PLSCR4: variants seen among roughly 807,000 people sequenced by gnomAD.
PLSCR4 encodes phospholipid scramblase 4.
A neutral mutation model predicts 36.3 loss-of-function variants in PLSCR4; 25 were observed. The observed-to-expected ratio is 0.69, with a 90% CI of 0.50 to 0.96. The LOEUF (loss-of-function observed/expected upper bound fraction) is 0.96. Among genes scored for constraint, PLSCR4 ranks in the 40% least tolerant of loss-of-function variants. PLSCR4 has a pLI of 0.00. For synonymous variants in PLSCR4, 122 were observed against 132.9 expected, an observed-to-expected ratio of 0.92 and a Z score of 0.56; for missense variants, 408 against 414.7, an observed-to-expected ratio of 0.98 and a Z score of 0.14.
chr3:146,195,204 C>A lies in PLSCR4; in HGVS notation c.865G>T (p.Ala289Ser). ...GGGAAGTGAATGTCAAAATGGTCAG[C>A]ATCTGCCATTGCTGATAACAAACCA... ...WNGLLSAMAD[A>S]DHFDIHFPLD... Residue 289 changes from alanine (A) to serine (S), a missense_variant, in exon 8 of 9, where the codon GCT becomes TCT. Physicochemically the swap from Ala to Ser is moderately conservative, Grantham distance 99. Coordinates refer to ENST00000354952, the MANE Select transcript of PLSCR4 (RefSeq NM_020353.3). The A allele has an allele frequency of 8.1e-6, 13 of 1,613,076 alleles. No individual in the cohort carries two copies. The highest frequency in any genetic ancestry group is 1.1e-5 in the Non-Finnish European group (13 of 1,179,062).
At chr3:146,225,217 GC>G (rs1317361118) in intron 1 of PLSCR4, among the ~76,000 whole-genome samples, 1 of 150,242 alleles carries the variant, frequency 6.7e-6, no homozygotes, top group Non-Finnish European at 1.5e-5. Context: ...GTTCTCCAAG[GC>G]CCCACCAGAG....
In PLSCR4 at chr3:146,222,064, C is replaced by A. The variant is rs2035177255; in HGVS notation, c.7+1G>T. ...ATTCAAATTTATTCACAAAAACTTA[C>A]CTGACATTTTGAAGAATTCCAATTA... On this transcript the variant is annotated splice_donor_variant, in intron 2 of 8. Coordinates refer to ENST00000354952, the MANE Select transcript of PLSCR4 (RefSeq NM_020353.3). LOFTEE classifies it high-confidence loss of function. 8.1e-7 allele frequency: 1 copy of A among 1,234,222 alleles called. No homozygotes were observed. The highest frequency in any genetic ancestry group is 1.1e-6 in the Non-Finnish European group (1 of 899,880). 76.5% of individuals were successfully genotyped at this position (1,234,222 alleles called of 1,614,324 possible).
Position 146,195,197 on chromosome 3 carries a change from T to C in PLSCR4, c.872A>G (p.His291Arg), listed in dbSNP as rs767869749. Reference protein sequence around the residue: ...GLLSAMADADHFDIHFPLDLD... With the variant: ...GLLSAMADADRFDIHFPLDLD... Reference sequence around the variant, plus strand: ...GTCTAGTGGGAAGTGAATGTCAAAATGGTCAGCATCTGCCATTGCTGATAA... The same window carrying C: ...GTCTAGTGGGAAGTGAATGTCAAAACGGTCAGCATCTGCCATTGCTGATAA... The change falls in exon 8 of 9, where the codon CAT becomes CGT. Residue 291 changes from histidine to arginine, a missense_variant. Transcript: ENST00000354952. 3 of 1,613,754 alleles carry C rather than the reference T, an allele frequency of 1.9e-6. No homozygotes were observed. The highest frequency in any genetic ancestry group is 4.5e-5 in the East Asian group (2 of 44,876).
At chr3:146,210,868 A>G (rs1374492560) in intron 3 of PLSCR4, among the ~76,000 whole-genome samples, 1 of 151,656 alleles carries the variant, frequency 6.6e-6, no homozygotes, top group Non-Finnish European at 1.5e-5. Flanking sequence ...TACACTTGGC[A>G]TGTTTTCAAG....
intron 1 of PLSCR4, among the ~76,000 whole-genome samples, chr3:146,237,887 A>G (rs1031221911): frequency 6.6e-6 from 1 of 151,944 alleles, no homozygotes; most frequent in Non-Finnish European, 1.5e-5. Context: ...ATAAAAAAGA[A>G]AATCAAAAAA....
In PLSCR4 at chr3:146,220,943, G is replaced by A. The variant is rs1485307118; in HGVS notation, c.8-18C>T. ...TACCACACCTTCAGGGGAAGACAGG[G>A]AACATGACTTACAAAGGAAACAATA... On this transcript the variant is annotated intron_variant, in intron 2 of 8. Coordinates refer to ENST00000354952, the MANE Select transcript of PLSCR4 (RefSeq NM_020353.3). 1.4e-6 allele frequency: 2 copies of A among 1,431,452 alleles called. No individual in the cohort carries two copies. The highest frequency in any genetic ancestry group is 1.9e-6 in the Non-Finnish European group (2 of 1,027,652). 88.7% of individuals were successfully genotyped at this position (1,431,452 alleles called of 1,614,324 possible).
At chr3:146,215,321 ATATG>A (rs1004479907) in intron 3 of PLSCR4, among the ~76,000 whole-genome samples, 4 of 151,880 alleles carry the variant, frequency 2.6e-5, no homozygotes, top group African/African-American at 9.7e-5. Context: ...TATTGAATAT[ATATG>A]TATGTATTAT....
chr3:146,214,387 TGC>T lies in PLSCR4; in HGVS notation c.118+6426_118+6427del, dbSNP rs1216526950. Among the ~76,000 whole-genome samples, 4 of 142,424 alleles carry T rather than the reference TGC, an allele frequency of 2.8e-5. 1 individual carries two copies. The highest frequency in any genetic ancestry group is 4.6e-5 in the Non-Finnish European group (3 of 65,144). The allele number at this position is 142,424 out of a possible 152,430, so 93.4% of individuals were successfully genotyped here. On this transcript the variant is annotated intron_variant, in intron 3 of 8. Coordinates refer to ENST00000354952, the MANE Select transcript of PLSCR4 (RefSeq NM_020353.3). ...ATCCGCCCGCCTTGGCCTCCCAAAG[TGC>T]TGGGATTACAGGCGTGAGCCACCGC...
At chr3:146,200,973 T>C (rs1312927510) in intron 5 of PLSCR4, 62 bp downstream of exon 5, 9 of 1,067,282 alleles carry the variant, frequency 8.4e-6, no homozygotes, top group Admixed American at 2.4e-5. Context: ...GAACTAGATA[T>C]TGGATAATGC....
chr3:146,209,283 G>A (rs2034498567), intron 3 of PLSCR4, among the ~76,000 whole-genome samples: 1 of 152,010 alleles, frequency 6.6e-6, no homozygotes, highest in Non-Finnish European at 1.5e-5. Context: ...GGAAGGGGGT[G>A]AGGGATAAAA....
rs1390100366 is a variant in PLSCR4 at position 146,199,840 on chromosome 3, G to A, written c.597C>T (p.Cys199=). 1 of 1,613,170 alleles carries A rather than the reference G, an allele frequency of 6.2e-7. No homozygotes were observed. The highest frequency in any genetic ancestry group is 1.3e-5 in the African/African-American group (1 of 74,858). ...MQRPFRCTCC[C]FCCPSARQEL... ...CTTGTCTGGCAGAGGGGCAACAGAA[G>A]CAACAGCAGGTGCATCTGAAGGGTC... The change falls in exon 6 of 9, where the codon TGC becomes TGT. Residue 199 remains cysteine (C), a synonymous_variant. Coordinates refer to ENST00000354952, the MANE Select transcript of PLSCR4 (RefSeq NM_020353.3).
At chr3:146,245,597 A>G (rs1421344190) in intron 1 of PLSCR4, among the ~76,000 whole-genome samples, 1 of 152,092 alleles carries the variant, frequency 6.6e-6, no homozygotes, top group Non-Finnish European at 1.5e-5. Context: ...ATATAGTAAC[A>G]GTTTTGTAAA....
chr3:146,209,464 C>A (rs1403400832), intron 3 of PLSCR4, among the ~76,000 whole-genome samples: 1 of 152,054 alleles, frequency 6.6e-6, no homozygotes, highest in Admixed American at 6.6e-5. Flanking sequence ...AATAAGCACA[C>A]AACAGCTAAT....
At position 146,220,908 on chromosome 3, in the gene PLSCR4, G is replaced by A; in HGVS notation, c.25C>T (p.Pro9Ser). 2 of 1,612,342 alleles carry A rather than the reference G, an allele frequency of 1.2e-6. No individual in the cohort carries two copies. Among genetic ancestry groups the A allele is most frequent in the South Asian group, 1.1e-5 (1 of 90,912 alleles). The change falls in exon 3 of 9, where the codon CCT (proline) becomes TCT (serine). Residue 9 changes from proline to serine, a missense_variant. Coordinates refer to ENST00000354952, the MANE Select transcript of PLSCR4 (RefSeq NM_020353.3). ...TCCATTTCACCTGCAGGCTGTTCAGGGGCTGTGGGTACCACACCTTCAGGG... is the reference window on the plus strand; with the variant it reads ...TCCATTTCACCTGCAGGCTGTTCAGAGGCTGTGGGTACCACACCTTCAGGG... Reference protein sequence around the residue: MSGVVPTAPEQPAGEMENQ... With the variant: MSGVVPTASEQPAGEMENQ...
At chr3:146,245,854 G>C (rs9851511) in intron 1 of PLSCR4, among the ~76,000 whole-genome samples, 1 of 151,866 alleles carries the variant, frequency 6.6e-6, no homozygotes, top group Non-Finnish European at 1.5e-5. Flanking sequence ...TCATCAAAGA[G>C]GAAATATTAT....
intron 1 of PLSCR4, among the ~76,000 whole-genome samples, chr3:146,242,201 C>T (rs1296963786): frequency 2.0e-5 from 3 of 152,278 alleles, no homozygotes; most frequent in East Asian, 1.9e-4. Context: ...CCATGTTGCT[C>T]GGTGGAGCTC....
chr3:146,198,707 G>A (rs1215184372), intron 6 of PLSCR4, among the ~76,000 whole-genome samples: 1 of 151,984 alleles, frequency 6.6e-6, no homozygotes. Context: ...CTGCCCAGCT[G>A]TAATTTTGAT....
chr3:146,221,979 C>T (rs1036323728), intron 2 of PLSCR4, 86 bp downstream of exon 2: 28 of 647,096 alleles, frequency 4.3e-5, no homozygotes, highest in East Asian at 6.6e-5. Context: ...AAAAAAAAAT[C>T]GAAATAAAGT....
chr3:146,236,553 G>A (rs1465509170), intron 1 of PLSCR4, among the ~76,000 whole-genome samples: 2 of 152,110 alleles, frequency 1.3e-5, no homozygotes, highest in African/African-American at 4.8e-5. Flanking sequence ...TTCTGATAAT[G>A]AGTAAGTCTT....
Sources: allele counts gnomAD v4.1 joint callset (sites outside exome capture counted in the v4.1 genomes callset), GRCh38; gene constraint gnomAD v4.1.1; transcripts MANE v1.5; gene names NCBI Gene and HGNC (gene_info 2026-07-23, HGNC 2026-07-21).